The following ATP8A1 variants were observed in gnomAD, a reference collection of about 807,000 sequenced individuals.
ATP8A1 encodes the protein phospholipid-transporting ATPase IA.
Under a neutral mutation model 177.7 loss-of-function variants are expected in ATP8A1, and 90 were observed. The observed-to-expected ratio is 0.51, with a 90% CI of 0.43 to 0.60. The LOEUF (loss-of-function observed/expected upper bound fraction) is 0.60, where lower values mean the gene tolerates loss of function less well. ATP8A1 is among the 20% of genes least tolerant of loss of function. The probability of loss-of-function intolerance (pLI) is 0.00; values close to 1 mark genes in which losing one functional copy is unlikely to be tolerated. For missense variants in ATP8A1, 1,072 were observed against 1,392.8 expected, an observed-to-expected ratio of 0.77 and a Z score of 3.67; for synonymous variants, 493 against 485.9, an observed-to-expected ratio of 1.01 and a Z score of -0.19.
intron 35 of ATP8A1, among the ~76,000 whole-genome samples, chr4:42,421,548 G>A (rs1317522844): frequency 6.6e-6 from 1 of 152,112 alleles, no homozygotes; most frequent in East Asian, 1.9e-4. Flanking sequence ...TAAAATGCAA[G>A]GGAAGCACCT....
chr4:42,582,143 T>C (rs180955120), intron 9 of ATP8A1, among the ~76,000 whole-genome samples: 3 of 152,296 alleles, frequency 2.0e-5, no homozygotes, highest in Admixed American at 2.0e-4. Context: ...CTTGTCCTTG[T>C]GAGGACACAG....
intron 4 of ATP8A1, among the ~76,000 whole-genome samples, chr4:42,620,647 T>G (rs535207012): frequency 1.5e-4 from 23 of 152,198 alleles, no homozygotes; most frequent in Non-Finnish European, 3.2e-4. Flanking sequence ...AGCCCCAGTG[T>G]GACTTTGGAC....
intron 16 of ATP8A1, among the ~76,000 whole-genome samples, chr4:42,555,138 T>TATCTATCTAATCAATC (rs1178885818): frequency 5.2e-5 from 4 of 76,784 alleles, no homozygotes; most frequent in African/African-American, 2.4e-4. Context: ...TCTATCTATC[T>TATCTATCTAATCAATC]AATCTATCTA....
At chr4:42,506,915 T>C in intron 23 of ATP8A1, 101 bp downstream of exon 23, 1 of 1,351,700 alleles carries the variant, frequency 7.4e-7, no homozygotes, top group Non-Finnish European at 1.0e-6. Flanking sequence ...AATCTTGACA[T>C]ATCAAATCTT....
intron 4 of ATP8A1, among the ~76,000 whole-genome samples, chr4:42,620,837 C>T (rs1302397312): frequency 2.6e-5 from 4 of 152,192 alleles, no homozygotes; most frequent in Non-Finnish European, 2.9e-5. Context: ...CTGGATAGGA[C>T]GGAATTCTGA....
rs1415404855 is a variant in ATP8A1 at position 42,579,961 on chromosome 4, T to G, written c.852A>C (p.Pro284=). The part of the protein sequence containing the change: ...TKLMQNSTSP[P]LKLSNVERIT... Reference sequence around the variant, plus strand: ...TCCGTTCCACATTTGAGAGCTTAAGTGGTGGACTTGTTGAATTCTGTAAAA... The same window carrying G: ...TCCGTTCCACATTTGAGAGCTTAAGGGGTGGACTTGTTGAATTCTGTAAAA... The change falls in exon 11 of 37, where the codon CCA becomes CCC. Residue 284 remains proline (P), a synonymous_variant. Transcript: ENST00000381668. The G allele has an allele frequency of 6.9e-6, 11 of 1,602,550 alleles. No individual in the cohort carries two copies. Among genetic ancestry groups the G allele is most frequent in the Non-Finnish European group, 9.4e-6 (11 of 1,175,096 alleles).
intron 1 of ATP8A1, among the ~76,000 whole-genome samples, chr4:42,653,767 A>G (rs1427131650): frequency 1.3e-5 from 2 of 152,180 alleles, no homozygotes; most frequent in Admixed American, 6.5e-5. Context: ...CCTGTGTCCA[A>G]ATGACTCACC....
At chr4:42,656,528 G>A (rs1741640482) in intron 1 of ATP8A1, among the ~76,000 whole-genome samples, 1 of 152,114 alleles carries the variant, frequency 6.6e-6, no homozygotes, top group Admixed American at 6.5e-5. Flanking sequence ...CTGGTGGGGA[G>A]GGAGGTGGGC....
At chr4:42,471,905 T>G (rs1247137838) in intron 25 of ATP8A1, 1 of 641,126 alleles carries the variant, frequency 1.6e-6, no homozygotes. Context: ...GAGCTGGAGA[T>G]AAACTCGGAC....
At chr4:42,464,323 T>A (rs1160543309) in intron 27 of ATP8A1, among the ~76,000 whole-genome samples, 1 of 150,142 alleles carries the variant, frequency 6.7e-6, no homozygotes, top group Non-Finnish European at 1.5e-5. Context: ...TGGAGGACAG[T>A]GGCACAATCT....
chr4:42,511,151 T>C (rs1044856385), intron 22 of ATP8A1, among the ~76,000 whole-genome samples: 6 of 152,206 alleles, frequency 3.9e-5, no homozygotes, highest in Non-Finnish European at 7.3e-5. Flanking sequence ...GCAGACTCCT[T>C]TCCTTTTGCC....
intron 25 of ATP8A1, among the ~76,000 whole-genome samples, chr4:42,477,299 A>G (rs149247380): frequency 7.4e-4 from 113 of 152,344 alleles, no homozygotes; most frequent in African/African-American, 2.6e-3. Context: ...GCGTCATTTC[A>G]CAACCATCAA....
chr4:42,527,666 G>C (rs1726818499), intron 20 of ATP8A1, among the ~76,000 whole-genome samples: 1 of 152,198 alleles, frequency 6.6e-6, no homozygotes, highest in Admixed American at 6.5e-5. Flanking sequence ...ACGTGAGGAT[G>C]AGAGTGTGAC....
chr4:42,652,852 C>T (rs1418897544), intron 1 of ATP8A1, among the ~76,000 whole-genome samples: 1 of 152,138 alleles, frequency 6.6e-6, no homozygotes, highest in African/African-American at 2.4e-5. Context: ...ACCTCTTTTT[C>T]TTTATAAATT....
chr4:42,447,507 A>C (rs1717412428), intron 30 of ATP8A1, among the ~76,000 whole-genome samples: 1 of 152,188 alleles, frequency 6.6e-6, no homozygotes, highest in Admixed American at 6.5e-5. Context: ...CTTTAGACGA[A>C]GGAAGTGGTA....
chr4:42,623,750 A>G (rs1397329028), intron 4 of ATP8A1, among the ~76,000 whole-genome samples: 1 of 152,118 alleles, frequency 6.6e-6, no homozygotes, highest in Non-Finnish European at 1.5e-5. Context: ...AAAGTAACTA[A>G]TAGATGCTCG....
chr4:42,468,485 GAAT>G (rs1485767702), intron 25 of ATP8A1, among the ~76,000 whole-genome samples: 8 of 151,638 alleles, frequency 5.3e-5, no homozygotes, highest in African/African-American at 1.7e-4. Context: ...GAATGAGATG[GAAT>G]ACTACTCAAC....
intron 12 of ATP8A1, among the ~76,000 whole-genome samples, chr4:42,576,417 A>G (rs1419473234): frequency 7.5e-6 from 1 of 133,702 alleles, no homozygotes; most frequent in Non-Finnish European, 1.6e-5. Context: ...CAAAGCTCGC[A>G]GTGAGCCTAG....
chr4:42,615,654 C>T (rs1489864284), intron 5 of ATP8A1, among the ~76,000 whole-genome samples: 3 of 152,196 alleles, frequency 2.0e-5, no homozygotes, highest in Non-Finnish European at 4.4e-5. Context: ...AAATGCTTTT[C>T]ACTCAAGTGA....
Sources: gnomAD v4.1 joint callset for allele counts (sites outside exome capture counted in the v4.1 genomes callset) on GRCh38, gnomAD v4.1.1 for gene constraint, MANE v1.5 for transcripts, NCBI Gene and HGNC (gene_info 2026-07-23, HGNC 2026-07-21) for gene names.